Variants in APBB2 observed in about 807,000 individuals in gnomAD.
APBB2 encodes amyloid beta precursor protein binding family B member 2, also known as Fe65-like 1.
In APBB2, 38 loss-of-function variants were observed where a neutral mutation model predicts 82.5. That is an observed-to-expected ratio of 0.46 (90% CI 0.36 to 0.60). The LOEUF (loss-of-function observed/expected upper bound fraction) is 0.60. Ranked by LOEUF, APBB2 falls within the 20% of genes least tolerant of loss-of-function variation. The pLI is 0.00. For missense variants in APBB2, 772 were observed against 972.3 expected, an observed-to-expected ratio of 0.79 and a Z score of 2.74; for synonymous variants, 341 against 368.2, an observed-to-expected ratio of 0.93 and a Z score of 0.85.
chr4:41,188,283 C>T (rs994006837), intron 1 of APBB2, among the ~76,000 whole-genome samples: 6 of 152,134 alleles, frequency 3.9e-5, no homozygotes, highest in Non-Finnish European at 7.3e-5. Flanking sequence ...GACAAGCTAC[C>T]TCCATGAAGT....
At chr4:40,902,125 G>GA (rs1255240452) in intron 10 of APBB2, among the ~76,000 whole-genome samples, 4 of 152,036 alleles carry the variant, frequency 2.6e-5, no homozygotes, top group African/African-American at 7.3e-5. Flanking sequence ...ATGTTGATGA[G>GA]AAAAAAATCT....
At position 40,858,088 on chromosome 4, in the gene APBB2, C is replaced by T. The variant is rs1009277715; in HGVS notation, c.1530-27511G>A. The stretch of plus-strand genomic sequence containing the variant: ...TTGAAGCCAAGATCCCACAGGCACC[C>T]CAACATTGTCATCTCTAGCTGAGCG... On this transcript the variant is annotated intron_variant, in intron 12 of 17. Transcript: ENST00000508593. 4.6e-5 allele frequency among the ~76,000 whole-genome samples: 7 copies of T among 152,156 alleles called. 1 individual carries two copies. The South Asian group carries it at 1.5e-3, about 32-fold the overall frequency.
intron 3 of APBB2, among the ~76,000 whole-genome samples, chr4:41,074,341 T>C (rs1019818167): frequency 1.3e-5 from 2 of 152,156 alleles, no homozygotes; most frequent in African/African-American, 2.4e-5. Context: ...TGAGCTATGA[T>C]AATGAGAAAG....
chr4:40,990,301 CTT>C (rs1205665301), intron 6 of APBB2: 12 of 152,122 alleles, frequency 7.9e-5, no homozygotes, highest in African/African-American at 2.7e-4. Flanking sequence ...CTCCCTCTCT[CTT>C]TCTCCCCTCC....
chr4:40,922,436 G>A (rs1415437679), intron 10 of APBB2, among the ~76,000 whole-genome samples: 2 of 152,204 alleles, frequency 1.3e-5, no homozygotes, highest in Non-Finnish European at 2.9e-5. Context: ...AAATGTGGAA[G>A]GCTGACTACT....
rs1184626662 is a variant in APBB2 at position 41,032,844 on chromosome 4, G to A, written c.19+392C>T. Reference sequence around the variant, plus strand: ...CTGTCGCCCAGGCTGGAGTGCAGTGGCGCGATCTCGACTCACTGCAAGCTC... The same window carrying A: ...CTGTCGCCCAGGCTGGAGTGCAGTGACGCGATCTCGACTCACTGCAAGCTC... On this transcript the variant is annotated intron_variant, in intron 5 of 17. Coordinates refer to ENST00000508593, the MANE Select transcript of APBB2 (RefSeq NM_004307.2). Among the ~76,000 whole-genome samples, 16 of 131,400 alleles carry A rather than the reference G, an allele frequency of 1.2e-4. No individual in the cohort carries two copies. The East Asian group carries it at 3.5e-3, about 29-fold the overall frequency. 86.2% of individuals were successfully genotyped at this position (131,400 alleles called of 152,430 possible). A position where few individuals can be genotyped will look rare whatever the true frequency, so the allele number is the denominator to read the frequency against.
chr4:40,941,238 C>G (rs1786823537), intron 7 of APBB2, among the ~76,000 whole-genome samples: 1 of 151,970 alleles, frequency 6.6e-6, no homozygotes, highest in African/African-American at 2.4e-5. Flanking sequence ...TAAGATTTTG[C>G]TCTCTTCTCA....
intron 2 of APBB2, chr4:41,118,161 CCATGATTGTA>C (rs2153988305): frequency 6.6e-6 from 1 of 152,292 alleles, no homozygotes; most frequent in African/African-American, 2.4e-5. Context: ...CTGCAGTGAG[CCATGATTGTA>C]CCACGCACTC....
chr4:40,849,384 T>C (rs1758600678), intron 12 of APBB2, among the ~76,000 whole-genome samples: 1 of 152,220 alleles, frequency 6.6e-6, no homozygotes, highest in Non-Finnish European at 1.5e-5. Flanking sequence ...CTAGATTCCT[T>C]CCTTGGAACA....
intron 1 of APBB2, among the ~76,000 whole-genome samples, chr4:41,170,135 T>A (rs989068646): frequency 2.0e-5 from 3 of 152,226 alleles, no homozygotes; most frequent in Non-Finnish European, 2.9e-5. Context: ...TTAAAATGGG[T>A]AAAGTTATCC....
chr4:41,006,724 C>T (rs1028762908), intron 6 of APBB2, among the ~76,000 whole-genome samples: 3 of 152,092 alleles, frequency 2.0e-5, no homozygotes, highest in South Asian at 2.1e-4. Context: ...CCTCGGCCTC[C>T]GAAAGTGCTG....
chr4:41,076,323 G>A (rs1247490983), intron 3 of APBB2, among the ~76,000 whole-genome samples: 7 of 152,196 alleles, frequency 4.6e-5, no homozygotes, highest in African/African-American at 1.4e-4. Flanking sequence ...GTCATTTTAA[G>A]GAGTAAAACT....
intron 12 of APBB2, among the ~76,000 whole-genome samples, chr4:40,883,218 A>G (rs886745241): frequency 7.0e-6 from 1 of 142,062 alleles, no homozygotes; most frequent in Non-Finnish European, 1.6e-5. Flanking sequence ...AATACACAGA[A>G]GGCTGAGGTG....
chr4:41,098,265 A>G (rs1744236207), intron 3 of APBB2, among the ~76,000 whole-genome samples: 2 of 152,000 alleles, frequency 1.3e-5, no homozygotes, highest in African/African-American at 4.8e-5. Flanking sequence ...GCTCACTGCA[A>G]CCTCAAACTC....
intron 2 of APBB2, chr4:41,114,170 T>C (rs1051880408): frequency 6.6e-6 from 1 of 152,186 alleles, no homozygotes; most frequent in Non-Finnish European, 1.5e-5. Flanking sequence ...TGGTTCAACA[T>C]ACACAAATCA....
At chr4:40,858,188 G>A (rs917314750) in intron 12 of APBB2, among the ~76,000 whole-genome samples, 1 of 152,094 alleles carries the variant, frequency 6.6e-6, no homozygotes, top group African/African-American at 2.4e-5. Flanking sequence ...CTTTAAGTAA[G>A]AGTCCTGGCT....
At chr4:40,850,272 G>A (rs1011878004) in intron 12 of APBB2, among the ~76,000 whole-genome samples, 3 of 152,062 alleles carry the variant, frequency 2.0e-5, no homozygotes, top group Admixed American at 1.3e-4. Context: ...CACTGTGCCC[G>A]GCTTTGTAAC....
intron 6 of APBB2, among the ~76,000 whole-genome samples, chr4:40,955,573 G>A (rs983856354): frequency 1.2e-4 from 18 of 152,112 alleles, no homozygotes; most frequent in African/African-American, 4.1e-4. Context: ...TGTTATTCTC[G>A]ACGGAGCTTA....
chr4:40,872,434 G>A (rs984619911), intron 12 of APBB2, among the ~76,000 whole-genome samples: 23 of 152,182 alleles, frequency 1.5e-4, no homozygotes, highest in African/African-American at 4.8e-4. Context: ...AGGGCTTGAC[G>A]GTCATGTTAG....
Sources: gnomAD v4.1 joint callset for allele counts (sites outside exome capture counted in the v4.1 genomes callset) on GRCh38, gnomAD v4.1.1 for gene constraint, MANE v1.5 for transcripts, NCBI Gene and HGNC (gene_info 2026-07-23, HGNC 2026-07-21) for gene names.